Variants in CCL2 observed in about 807,000 individuals in gnomAD.
The protein encoded by CCL2 is C-C motif chemokine 2.
Under a neutral mutation model 6.7 loss-of-function variants are expected in CCL2, and 2 were observed. The ratio of observed to expected loss-of-function variants is 0.30; its 90% CI spans 0.12 to 0.94. The LOEUF (loss-of-function observed/expected upper bound fraction) is 0.94. Among genes scored for constraint, CCL2 ranks in the 40% least tolerant of loss-of-function variants. CCL2 has a pLI of 0.54. For missense variants in CCL2, 89 were observed against 119.3 expected, an observed-to-expected ratio of 0.75 and a Z score of 1.18; for synonymous variants, 43 against 45.2, an observed-to-expected ratio of 0.95 and a Z score of 0.19.
chr17:34,256,870 C>A lies in CCL2; in HGVS notation c.*43C>A. 1 of 1,280,010 alleles carries A rather than the reference C, an allele frequency of 7.8e-7. No individual in the cohort carries two copies. The highest frequency in any genetic ancestry group is 1.1e-6 in the Non-Finnish European group (1 of 882,748). The allele number at this position is 1,280,010 out of a possible 1,614,324, so 79.3% of individuals were successfully genotyped here. On this transcript the variant is annotated 3_prime_UTR_variant, in exon 3 of 3. Coordinates refer to ENST00000225831, the MANE Select transcript of CCL2 (RefSeq NM_002982.4). Reference sequence around the variant, plus strand: ...CAAGAATCTGCAGCTAACTTATTTTCCCCTAGCTTTCCCCAGACACCCTGT... The same window carrying A: ...CAAGAATCTGCAGCTAACTTATTTTACCCTAGCTTTCCCCAGACACCCTGT...
chr17:34,255,541 G>A (rs2142195339), intron 1 of CCL2, 116 bp downstream of exon 1: 5 of 892,510 alleles, frequency 5.6e-6, no homozygotes, highest in African/African-American at 1.7e-5. Context: ...TCCAAGATAA[G>A]GTGACTCAGA....
rs755719349 is a variant in CCL2 at position 34,255,360 on chromosome 17, C to T, written c.11C>T (p.Ser4Phe). The T allele has an allele frequency of 1.9e-6, 3 of 1,613,970 alleles. No homozygotes were observed. Among genetic ancestry groups the T allele is most frequent in the Non-Finnish European group, 2.5e-6 (3 of 1,179,898 alleles). The change falls in exon 1 of 3, where the codon TCT (serine) becomes TTT (phenylalanine). Residue 4 changes from serine to phenylalanine, a missense_variant. Physicochemically the swap from Ser to Phe is radical, Grantham distance 155. Transcript: ENST00000225831. ...ACTCTCGCCTCCAGCATGAAAGTCT[C>T]TGCCGCCCTTCTGTGCCTGCTGCTC... MKV[S>F]AALLCLLLIA...
At position 34,257,120 on chromosome 17, in the gene CCL2, A is replaced by T. The variant is rs1384782293; in HGVS notation, c.*293A>T. 7 of 223,624 alleles carry T rather than the reference A, an allele frequency of 3.1e-5. No homozygotes were observed. Among genetic ancestry groups the T allele is most frequent in the Non-Finnish European group, 5.3e-5 (6 of 114,258 alleles). The allele number at this position is 223,624 out of a possible 1,614,324, so 13.9% of individuals were successfully genotyped here. A position where few individuals can be genotyped will look rare whatever the true frequency, so the allele number is the denominator to read the frequency against. On this transcript the variant is annotated 3_prime_UTR_variant, in exon 3 of 3. Coordinates refer to ENST00000225831, the MANE Select transcript of CCL2 (RefSeq NM_002982.4). ...TCATTAATACAAAGAATTTTTTTTA[A>T]CATTCCAATGCATTGCTAAAATATT...
At chr17:34,256,458 A>G in intron 2 of CCL2, 119 bp downstream of exon 2, 1 of 741,144 alleles carries the variant, frequency 1.3e-6, no homozygotes, top group Non-Finnish European at 2.3e-6. Flanking sequence ...AAGGTTCCCA[A>G]TGGGAAAACT....
intron 1 of CCL2, 110 bp downstream of exon 1, chr17:34,255,535 A>G: frequency 1.1e-6 from 1 of 928,408 alleles, no homozygotes; most frequent in Non-Finnish European, 1.7e-6. Flanking sequence ...TACTTTTCCA[A>G]GATAAGGTGA....
chr17:34,256,394 GGAC>G, intron 2 of CCL2, 55 bp downstream of exon 2: 4 of 1,176,602 alleles, frequency 3.4e-6, no homozygotes, highest in Non-Finnish European at 5.1e-6. Flanking sequence ...GTGGAGCAAG[GGAC>G]AAGCCTCATA....
intron 2 of CCL2, 51 bp from the exon 3 acceptor site, chr17:34,256,671 A>T: frequency 7.5e-7 from 1 of 1,332,440 alleles, no homozygotes; most frequent in Non-Finnish European, 1.1e-6. Context: ...CTGCACTTCT[A>T]GACCAAAACT....
In CCL2 at chr17:34,256,985, GTTTATCTTTCATGGTACTAGTGT is replaced by G; in HGVS notation, c.*162_*184del. 1 of 543,082 alleles carries G rather than the reference GTTTATCTTTCATGGTACTAGTGT, an allele frequency of 1.8e-6. No homozygotes were observed. The allele number at this position is 543,082 out of a possible 1,614,324, so 33.6% of individuals were successfully genotyped here. A position where few individuals can be genotyped will look rare whatever the true frequency, so the allele number is the denominator to read the frequency against. On this transcript the variant is annotated 3_prime_UTR_variant, in exon 3 of 3. Transcript: ENST00000225831. The stretch of plus-strand genomic sequence containing the variant: ...CTTATTTAAGTTATTGATGTTTTAA[GTTTATCTTTCATGGTACTAGTGT>G]TTTTTAGATACAGAGACTTGGGGAA...
intron 2 of CCL2, 35 bp from the exon 3 acceptor site, chr17:34,256,687 G>C: frequency 1.4e-6 from 2 of 1,472,568 alleles, no homozygotes; most frequent in Non-Finnish European, 1.9e-6. Context: ...AAACTGCAAA[G>C]GAACTTCATC....
intron 2 of CCL2, 49 bp downstream of exon 2, chr17:34,256,388 AG>A: frequency 8.3e-6 from 10 of 1,211,822 alleles, no homozygotes; most frequent in South Asian, 2.4e-5. Context: ...TTCCTTGTGG[AG>A]CAAGGGACAA....
In CCL2 at chr17:34,256,364, C is replaced by T. The variant is rs3917888; in HGVS notation, c.194+25C>T. 116 of 1,469,016 alleles carry T rather than the reference C, an allele frequency of 7.9e-5. 1 individual carries two copies. In the African/African-American group the frequency reaches 1.4e-3, roughly 17 times the overall value. The allele number at this position is 1,469,016 out of a possible 1,614,324, so 91.0% of individuals were successfully genotyped here. A position where few individuals can be genotyped will look rare whatever the true frequency, so the allele number is the denominator to read the frequency against. On this transcript the variant is annotated intron_variant, in intron 2 of 2. Transcript: ENST00000225831. ...TGTGAGTTCAGCACACCAACCTTCC[C>T]TGGCCTGAAGTTCTTCCTTGTGGAG...
At chr17:34,256,010 G>A in intron 1 of CCL2, 1 of 511,834 alleles carries the variant, frequency 2.0e-6, no homozygotes, top group South Asian at 2.6e-5. Flanking sequence ...CATTATCAAT[G>A]TTATATACCC....
intron 2 of CCL2, 143 bp downstream of exon 2, chr17:34,256,482 A>G: frequency 1.5e-6 from 1 of 663,268 alleles, no homozygotes; most frequent in Non-Finnish European, 2.6e-6. Flanking sequence ...GCACCAAGGG[A>G]AAAAGTGAAC....
chr17:34,256,422 G>C, intron 2 of CCL2, 83 bp downstream of exon 2: 7 of 926,796 alleles, frequency 7.6e-6, no homozygotes, highest in Admixed American at 5.8e-5. Context: ...TAGAGTCAGA[G>C]AGTGCACTAT....
chr17:34,256,744 G>C lies in CCL2; in HGVS notation c.217G>C (p.Glu73Gln). 6.2e-7 allele frequency: 1 copy of C among 1,612,860 alleles called. No homozygotes were observed. The highest frequency in any genetic ancestry group is 8.5e-7 in the Non-Finnish European group (1 of 1,179,348). Reference sequence around the variant, plus strand: ...CAGCTTCAAGACCATTGTGGCCAAGGAGATCTGTGCTGACCCCAAGCAGAA... The same window carrying C: ...CAGCTTCAAGACCATTGTGGCCAAGCAGATCTGTGCTGACCCCAAGCAGAA... ...AVIFKTIVAK[E>Q]ICADPKQKWV... is the part of the protein sequence containing the mutation. The change falls in exon 3 of 3, where the codon GAG (glutamate) becomes CAG (glutamine). Residue 73 changes from glutamate (E) to glutamine (Q), a missense_variant. Glu to Gln is a conservative substitution (Grantham distance 29). Coordinates refer to ENST00000225831, the MANE Select transcript of CCL2 (RefSeq NM_002982.4).
intron 1 of CCL2, chr17:34,255,728 A>G (rs1907666068): frequency 2.7e-6 from 1 of 376,216 alleles, no homozygotes; most frequent in Non-Finnish European, 4.8e-6. Context: ...AATCAAAGAG[A>G]GGGTGGGTGT....
rs768462770 is a variant in CCL2 at position 34,255,446 on chromosome 17, C to T, written c.76+21C>T. 1.1e-5 allele frequency: 17 copies of T among 1,594,600 alleles called. No homozygotes were observed. The Admixed American group carries it at 1.7e-4, about 16-fold the overall frequency. ...GCCAGGTAAGGCCCCCTCTTCTTCTCCTTGAACCACATTGTCTTCTCTCTG... is the reference window on the plus strand; with the variant it reads ...GCCAGGTAAGGCCCCCTCTTCTTCTTCTTGAACCACATTGTCTTCTCTCTG... On this transcript the variant is annotated intron_variant, in intron 1 of 2. Transcript: ENST00000225831.
At position 34,255,313 on chromosome 17, in the gene CCL2, C is replaced by A. The variant is rs369439824; in HGVS notation, c.-37C>A. 8 of 1,592,694 alleles carry A rather than the reference C, an allele frequency of 5.0e-6. No homozygotes were observed. The African/African-American group carries it at 9.4e-5, about 19-fold the overall frequency. On this transcript the variant is annotated 5_prime_UTR_variant, in exon 1 of 3. Transcript: ENST00000225831. ...AGGCTGAGACTAACCCAGAAACATCCAATTCTCAAACTGAAGCTCGCACTC... is the reference window on the plus strand; with the variant it reads ...AGGCTGAGACTAACCCAGAAACATCAAATTCTCAAACTGAAGCTCGCACTC...
Position 34,256,345 on chromosome 17 carries a change from T to C in CCL2, c.194+6T>C. ...TGTCCCAAAGAAGCTGTGATGTGAG[T>C]TCAGCACACCAACCTTCCCTGGCCT... On this transcript the variant is annotated splice_donor_region_variant and intron_variant, in intron 2 of 2. Coordinates refer to ENST00000225831, the MANE Select transcript of CCL2 (RefSeq NM_002982.4). 6.4e-7 allele frequency: 1 copy of C among 1,569,002 alleles called. No individual in the cohort carries two copies. The highest frequency in any genetic ancestry group is 8.8e-7 in the Non-Finnish European group (1 of 1,139,114).
Sources: gnomAD v4.1 joint callset for allele counts on GRCh38, gnomAD v4.1.1 for gene constraint, MANE v1.5 for transcripts, NCBI Gene and HGNC (gene_info 2026-07-23, HGNC 2026-07-21) for gene names.